DRC3: variants seen among roughly 807,000 people sequenced by gnomAD.
DRC3 encodes the protein leucine rich repeat containing 48.
DRC3 carries 45 observed loss-of-function variants against 57.6 expected under a neutral mutation model. The observed-to-expected ratio is 0.78, with a 90% confidence interval of 0.62 to 1.00. The LOEUF (loss-of-function observed/expected upper bound fraction) is 1.00. DRC3 is among the 50% of genes least tolerant of loss of function. The probability of loss-of-function intolerance (pLI) is 0.00; values close to 1 mark genes in which losing one functional copy is unlikely to be tolerated. For missense variants in DRC3, 655 were observed against 675.2 expected, an observed-to-expected ratio of 0.97 and a Z score of 0.33; for synonymous variants, 257 against 272.3, an observed-to-expected ratio of 0.94 and a Z score of 0.55.
chr17:17,990,257 G>A (rs1444377719), intron 5 of DRC3, among the ~76,000 whole-genome samples: 51 of 152,236 alleles, frequency 3.4e-4, no homozygotes, highest in Admixed American at 2.9e-3. Context: ...GGGAAGCACC[G>A]AGTTGTCACT....
At chr17:17,982,158 A>G (rs1289412207) in intron 3 of DRC3, among the ~76,000 whole-genome samples, 2 of 149,282 alleles carry the variant, frequency 1.3e-5, no homozygotes, top group African/African-American at 5.0e-5. Context: ...ACGCCCAACT[A>G]ATTTTTGTAT....
Position 17,991,602 on chromosome 17 carries a change from T to C in DRC3, c.445-1163T>C, listed in dbSNP as rs552294704. On this transcript the variant is annotated intron_variant, in intron 5 of 13. Transcript: ENST00000399187. ...TGAGCCTTGTACCCGGCCAAAGTAT[T>C]GCTTTTTTAAAATACTTTTTTGCCA... 2.0e-5 allele frequency among the ~76,000 whole-genome samples: 3 copies of C among 152,256 alleles called. No homozygotes were observed. The East Asian group carries it at 5.8e-4, about 29-fold the overall frequency.
At chr17:17,994,629 T>A (rs577175588) in intron 7 of DRC3, among the ~76,000 whole-genome samples, 1 of 152,300 alleles carries the variant, frequency 6.6e-6, no homozygotes, top group African/African-American at 2.4e-5. Flanking sequence ...CCCTACTCCT[T>A]ACTGGCATTC....
intron 3 of DRC3, among the ~76,000 whole-genome samples, chr17:17,982,277 G>A (rs962399416): frequency 6.8e-6 from 1 of 147,514 alleles, no homozygotes; most frequent in African/African-American, 2.5e-5. Flanking sequence ...GTTCAGTGGC[G>A]CAATCTCGGC....
rs375907714 is a variant in DRC3 at position 18,006,272 on chromosome 17, C to A, written c.1202+19C>A. ...AAAGCCTATATCCTTTCTGTGATGACCTTCCCCATGGGGAGGTGCTACAGA... is the reference window on the plus strand; with the variant it reads ...AAAGCCTATATCCTTTCTGTGATGAACTTCCCCATGGGGAGGTGCTACAGA... On this transcript the variant is annotated intron_variant, in intron 11 of 13. Coordinates refer to ENST00000399187, the MANE Select transcript of DRC3 (RefSeq NM_031294.4). 2.5e-6 allele frequency: 4 copies of A among 1,584,348 alleles called. No homozygotes were observed. Among genetic ancestry groups the A allele is most frequent in the African/African-American group, 1.3e-5 (1 of 74,486 alleles).
Position 18,007,016 on chromosome 17 carries a change from G to A in DRC3, c.1203-8G>A. 1 of 1,613,078 alleles carries A rather than the reference G, an allele frequency of 6.2e-7. No homozygotes were observed. The highest frequency in any genetic ancestry group is 1.3e-5 in the African/African-American group (1 of 74,924). ...CCTCCCGGGCCTTTGCTTAACTCGG[G>A]GCTGCACGATGGCTCAGTGCCGGGA... is the stretch of plus-strand genomic sequence containing the variant. On this transcript the variant is annotated splice_region_variant and splice_polypyrimidine_tract_variant and intron_variant, in intron 11 of 13. Coordinates refer to ENST00000399187, the MANE Select transcript of DRC3 (RefSeq NM_031294.4).
Position 17,983,858 on chromosome 17 carries a change from T to A in DRC3, c.191T>A (p.Phe64Tyr). 1 of 1,613,404 alleles carries A rather than the reference T, an allele frequency of 6.2e-7. No homozygotes were observed. Among genetic ancestry groups the A allele is most frequent in the Non-Finnish European group, 8.5e-7 (1 of 1,179,486 alleles). The change falls in exon 4 of 14, where the codon TTT (phenylalanine) becomes TAT (tyrosine). Residue 64 changes from phenylalanine to tyrosine, a missense_variant. Physicochemically the swap from Phe to Tyr is conservative, Grantham distance 22. Transcript: ENST00000399187. ...NILRIDNLWQ[F>Y]ENLRKLQLDN... ...CTCCGCATAGACAACCTCTGGCAGT[T>A]TGAGAACTTGAGGAAGCTGCAGCTG...
Position 18,007,137 on chromosome 17 carries a change from A to G in DRC3, c.1316A>G (p.Asp439Gly). The G allele has an allele frequency of 1.0e-6, 1 of 975,244 alleles. No homozygotes were observed. The highest frequency in any genetic ancestry group is 1.3e-6 in the Non-Finnish European group (1 of 794,318). The allele number at this position is 975,244 out of a possible 1,614,324, so 60.4% of individuals were successfully genotyped here. Residue 439 changes from aspartate (D) to glycine (G), a missense_variant, in exon 12 of 14, where the codon GAC becomes GGC. Asp to Gly is a moderately conservative substitution (Grantham distance 94, BLOSUM62 -1). Transcript: ENST00000399187. ...EGDLDEDLPN[D>G]LRALFVDKDT... The stretch of plus-strand genomic sequence containing the variant: ...GACCTGGACGAGGACCTGCCTAACG[A>G]CCTGCGCGCGGTAGGCGGGGCGGGC...
At chr17:17,978,369 C>T (rs1268362633) in intron 3 of DRC3, among the ~76,000 whole-genome samples, 3 of 152,152 alleles carry the variant, frequency 2.0e-5, no homozygotes, top group African/African-American at 7.2e-5. Flanking sequence ...CAAGGTGAGA[C>T]AGCACGTGCA....
intron 3 of DRC3, among the ~76,000 whole-genome samples, chr17:17,982,580 C>CTTTTTT (rs200264642): frequency 7.5e-6 from 1 of 133,672 alleles, no homozygotes; most frequent in Non-Finnish European, 1.6e-5. Flanking sequence ...TGAGCATATT[C>CTTTTTT]TTTTTTTTTT....
chr17:17,992,667 C>T (rs1257933984), intron 5 of DRC3, 98 bp from the exon 6 acceptor site: 1 of 1,345,298 alleles, frequency 7.4e-7, no homozygotes, highest in Non-Finnish European at 1.0e-6. Context: ...GTGCTGTGGC[C>T]AGGCTGACTC....
At chr17:17,981,806 G>T (rs926021606) in intron 3 of DRC3, among the ~76,000 whole-genome samples, 1 of 150,626 alleles carries the variant, frequency 6.6e-6, no homozygotes, top group Non-Finnish European at 1.5e-5. Flanking sequence ...AAGTGATTCT[G>T]CTGCCTCAGC....
chr17:17,983,784 C>A, intron 3 of DRC3, 44 bp from the exon 4 acceptor site: 1 of 1,443,324 alleles, frequency 6.9e-7, no homozygotes, highest in Non-Finnish European at 9.7e-7. Flanking sequence ...TAGCACAAAA[C>A]TCTGACCCTA....
intron 4 of DRC3, among the ~76,000 whole-genome samples, chr17:17,986,939 A>C (rs1248550023): frequency 6.6e-6 from 1 of 151,744 alleles, no homozygotes; most frequent in African/African-American, 2.4e-5. Flanking sequence ...TAGGCCGGAC[A>C]TGGTGGCTCA....
chr17:18,010,893 G>T, intron 12 of DRC3: 1 of 319,026 alleles, frequency 3.1e-6, no homozygotes, highest in Non-Finnish European at 6.2e-6. Context: ...CCATCAAGTA[G>T]TCTGAGATCA....
intron 12 of DRC3, chr17:18,007,648 C>T: frequency 7.2e-7 from 1 of 1,388,270 alleles, no homozygotes; most frequent in African/African-American, 1.5e-5. Context: ...GGCTCCATCC[C>T]TGGGGTCTGC....
At chr17:17,994,193 C>T in intron 6 of DRC3, 106 bp from the exon 7 acceptor site, 2 of 1,451,780 alleles carry the variant, frequency 1.4e-6, no homozygotes, top group Non-Finnish European at 1.9e-6. Context: ...CTGTGCAACA[C>T]CCCTGCCCAT....
At chr17:17,989,084 C>G (rs554528393) in intron 5 of DRC3, among the ~76,000 whole-genome samples, 1 of 152,142 alleles carries the variant, frequency 6.6e-6, no homozygotes, top group Non-Finnish European at 1.5e-5. Context: ...ACTGTCATAG[C>G]TGAGGGCCTT....
At position 17,994,403 on chromosome 17, in the gene DRC3, G is replaced by A; in HGVS notation, c.696G>A (p.Glu232=). 6.4e-7 allele frequency: 1 copy of A among 1,552,726 alleles called. No homozygotes were observed. Among genetic ancestry groups the A allele is most frequent in the Non-Finnish European group, 8.7e-7 (1 of 1,147,834 alleles). The change falls in exon 7 of 14, where the codon GAG becomes GAA. Residue 232 remains glutamate, a synonymous_variant. Transcript: ENST00000399187. ...AGGACGAGCAGGCGCAGCGGGAGGA[G>A]CTAGAGAAGCACAAGGTACCGTTCC... ...QLEDEQAQRE[E]LEKHKTAFVE... is the part of the protein sequence containing the mutation.
Sources: gnomAD v4.1 joint callset for allele counts (sites outside exome capture counted in the v4.1 genomes callset) on GRCh38, gnomAD v4.1.1 for gene constraint, MANE v1.5 for transcripts, NCBI Gene and HGNC (gene_info 2026-07-23, HGNC 2026-07-21) for gene names.